FAM199X: variants seen among roughly 807,000 people sequenced by gnomAD.
The protein encoded by FAM199X is protein FAM199X.
Under a neutral mutation model 22.9 loss-of-function variants are expected in FAM199X, and 4 were observed. The observed-to-expected ratio is 0.17, with a 90% CI of 0.09 to 0.40. The LOEUF is 0.40. FAM199X is among the 10% of genes least tolerant of loss of function. FAM199X has a pLI of 1.00. For synonymous variants in FAM199X, 101 were observed against 112.3 expected (o/e 0.90, Z 0.64); for missense variants, 183 against 306.8 (o/e 0.60, Z 3.01).
At chrX:104,161,158 G>A in the FAM199X span, among the ~76,000 whole-genome samples, 397 of 111,250 alleles carry the variant, frequency 3.6e-3, 3 homozygotes, top group African/African-American at 0.012. Context: ...TCTTTTAAGT[G>A]GTTACTTTTG....
At chrX:104,162,213 T>A (rs1921058976), upstream of FAM199X, among the ~76,000 whole-genome samples, 1 of 111,857 alleles carries the variant, frequency 8.9e-6, no homozygotes, top group Non-Finnish European at 1.9e-5. Flanking sequence ...TTGATACAGC[T>A]GAGTTCTAAA....
chrX:104,176,627 T>A (rs1419837691), intron 2 of FAM199X, among the ~76,000 whole-genome samples: 2 of 112,263 alleles, frequency 1.8e-5, no homozygotes, highest in African/African-American at 6.5e-5. Context: ...TGGCATCAAA[T>A]TTAAAAAAGT....
chrX:104,181,562 C>G (rs1293590416), intron 2 of FAM199X, among the ~76,000 whole-genome samples: 1 of 112,310 alleles, frequency 8.9e-6, no homozygotes, highest in Non-Finnish European at 1.9e-5. Context: ...TGTCTTACAA[C>G]TTACTGAAAA....
At chrX:104,167,211 A>G (rs1191285338) in intron 1 of FAM199X, among the ~76,000 whole-genome samples, 3 of 99,872 alleles carry the variant, frequency 3.0e-5, no homozygotes, top group African/African-American at 7.5e-5. Context: ...TTCTGGCTAT[A>G]GCGACTCCTC....
intron 2 of FAM199X, among the ~76,000 whole-genome samples, chrX:104,180,629 G>A (rs922570776): frequency 1.8e-5 from 2 of 111,052 alleles, no homozygotes; most frequent in Non-Finnish European, 1.9e-5. Context: ...ATTGGAATAC[G>A]GATACTCTAT....
Position 104,166,887 on chromosome X carries a change from G to A in FAM199X, c.102G>A (p.Pro34=), listed in dbSNP as rs782229637. 1 of 1,203,805 alleles carries A rather than the reference G, an allele frequency of 8.3e-7. No homozygotes were observed. Among genetic ancestry groups the A allele is most frequent in the African/African-American group, 1.7e-5 (1 of 57,369 alleles). ...LGPPRGVGTC[P]SEEPGCLDIS... Reference sequence around the variant, plus strand: ...CTCCTCGCGGGGTGGGCACCTGCCCGAGCGAGGAGCCGGGCTGCCTGGACA... The same window carrying A: ...CTCCTCGCGGGGTGGGCACCTGCCCAAGCGAGGAGCCGGGCTGCCTGGACA... Residue 34 remains proline (P), a synonymous_variant, in exon 1 of 6, where the codon CCG becomes CCA. Transcript: ENST00000493442.
chrX:104,171,591 C>A (rs1921354937), intron 1 of FAM199X, among the ~76,000 whole-genome samples: 1 of 111,928 alleles, frequency 8.9e-6, no homozygotes, highest in East Asian at 2.8e-4. Context: ...AAACTATAGA[C>A]CACTCATGAT....
intron 1 of FAM199X, among the ~76,000 whole-genome samples, chrX:104,169,312 T>A (rs1273397760): frequency 8.9e-6 from 1 of 112,535 alleles, no homozygotes; most frequent in Non-Finnish European, 1.9e-5. Flanking sequence ...GTTTAGTGAT[T>A]GTAAAACAAA....
upstream of FAM199X, among the ~76,000 whole-genome samples, chrX:104,163,238 AAAGTT>A (rs1556373004): frequency 8.9e-6 from 1 of 111,773 alleles, no homozygotes; most frequent in African/African-American, 3.3e-5. Flanking sequence ...CAAAATGATA[AAAGTT>A]AATTGACAAT....
chrX:104,182,665 C>G (rs1463863070), intron 2 of FAM199X, among the ~76,000 whole-genome samples: 4 of 111,269 alleles, frequency 3.6e-5, no homozygotes, highest in African/African-American at 1.3e-4. Context: ...TTCTCCTTAC[C>G]TGAATGTCTT....
chrX:104,175,292 A>G (rs1328429552), intron 1 of FAM199X, among the ~76,000 whole-genome samples: 2 of 112,185 alleles, frequency 1.8e-5, no homozygotes, highest in African/African-American at 6.5e-5. Flanking sequence ...ATAGTGTACT[A>G]CAAAAATTTT....
intron 2 of FAM199X, among the ~76,000 whole-genome samples, chrX:104,176,185 A>G (rs1279583351): frequency 8.9e-6 from 1 of 112,158 alleles, no homozygotes; most frequent in Non-Finnish European, 1.9e-5. Context: ...TATAGGACAA[A>G]TATCAGTCAC....
chrX:104,168,106 A>G (rs1348433828), intron 1 of FAM199X, among the ~76,000 whole-genome samples: 2 of 112,314 alleles, frequency 1.8e-5, no homozygotes, highest in Non-Finnish European at 3.8e-5. Context: ...GATACAAGGA[A>G]TGTGTAAAAG....
upstream of FAM199X, among the ~76,000 whole-genome samples, chrX:104,163,960 G>A (rs1921095864): frequency 9.0e-6 from 1 of 110,677 alleles, no homozygotes; most frequent in Non-Finnish European, 1.9e-5. Context: ...AAGCCACCGT[G>A]CCTCGCCTGG....
At position 104,183,989 on chromosome X, in the gene FAM199X, A is replaced by C. The variant is rs782792493; in HGVS notation, c.418-2077A>C. ...TTGTGGTTTCATGTATTTCTTTGTG[A>C]TTGATTCCCCAGTGCCTGCCTGCAG... On this transcript the variant is annotated intron_variant, in intron 2 of 5. Transcript: ENST00000493442. Among the ~76,000 whole-genome samples, 112 of 111,401 alleles carry C rather than the reference A, an allele frequency of 1.0e-3. 1 individual carries two copies. Among genetic ancestry groups the C allele is most frequent in the Non-Finnish European group, 1.8e-3 (96 of 53,068 alleles).
chrX:104,166,780 C>G lies in FAM199X; in HGVS notation c.-6C>G. 8.3e-7 allele frequency: 1 copy of G among 1,199,556 alleles called. No individual in the cohort carries two copies. The highest frequency in any genetic ancestry group is 1.1e-6 in the Non-Finnish European group (1 of 889,747). Reference sequence around the variant, plus strand: ...AGAGGGAGCCCGAGCCAGGCCATCTCCAACCATGTCCGACGAGGCCTCGGC... The same window carrying G: ...AGAGGGAGCCCGAGCCAGGCCATCTGCAACCATGTCCGACGAGGCCTCGGC... On this transcript the variant is annotated 5_prime_UTR_variant, in exon 1 of 6. Coordinates refer to ENST00000493442, the MANE Select transcript of FAM199X (RefSeq NM_207318.4).
chrX:104,187,975 C>A, intron 4 of FAM199X, 65 bp from the exon 5 acceptor site: 1 of 1,143,736 alleles, frequency 8.7e-7, no homozygotes, highest in South Asian at 1.9e-5. Context: ...TTATTTTTCC[C>A]CCAGCATTTT....
In FAM199X at chrX:104,191,769, G is replaced by A. The variant is rs1479129530; in HGVS notation, c.*1991G>A. 9.0e-6 allele frequency: 1 copy of A among 111,519 alleles called. No homozygotes were observed. The highest frequency in any genetic ancestry group is 2.8e-4 in the East Asian group (1 of 3,564). 9.2% of individuals were successfully genotyped at this position (111,519 alleles called of 1,213,427 possible). On this transcript the variant is annotated 3_prime_UTR_variant, in exon 6 of 6. Coordinates refer to ENST00000493442, the MANE Select transcript of FAM199X (RefSeq NM_207318.4). ...AATACTTGGAAACTATTTACTTAAC[G>A]GTCATCAGTAAAAAACCCTAAACAA...
At chrX:104,189,466 A>C in intron 5 of FAM199X, 142 bp from the exon 6 acceptor site, 2 of 589,652 alleles carry the variant, frequency 3.4e-6, no homozygotes. Flanking sequence ...CCAGTGGCTC[A>C]CTTATTGGAA....
Sources: allele counts gnomAD v4.1 joint callset (sites outside exome capture counted in the v4.1 genomes callset), GRCh38; gene constraint gnomAD v4.1.1; transcripts MANE v1.5; gene names NCBI Gene and HGNC (gene_info 2026-07-23, HGNC 2026-07-21).